Variants in SMARCA2 observed in about 807,000 individuals in gnomAD.
SMARCA2 encodes the protein SWI/SNF related BAF chromatin remodeling complex subunit ATPase 2, also known as SWI/SNF-related matrix-associated actin-dependent regulator of chromatin subfamily A member 2.
In SMARCA2, 61 loss-of-function variants were observed where a neutral mutation model predicts 199.8. The ratio of observed to expected loss-of-function variants is 0.31; its 90% CI spans 0.25 to 0.38. SMARCA2 has a LOEUF of 0.38. SMARCA2 is among the 10% of genes least tolerant of loss of function. The pLI is 1.00. For synonymous variants in SMARCA2, 935 were observed against 732.0 expected (o/e 1.28, Z -4.48); for missense variants, 1,344 against 2,012.2 (o/e 0.67, Z 6.35).
intron 5 of SMARCA2, among the ~76,000 whole-genome samples, chr9:2,052,505 G>A (rs750946282): frequency 5.9e-5 from 9 of 152,112 alleles, no homozygotes; most frequent in Non-Finnish European, 7.4e-5. Flanking sequence ...AATAACGACA[G>A]CACGGTAGCA....
At chr9:2,108,142 T>C (rs1455215040) in intron 23 of SMARCA2, among the ~76,000 whole-genome samples, 1 of 152,142 alleles carries the variant, frequency 6.6e-6, no homozygotes, top group African/African-American at 2.4e-5. Context: ...CTCTCCAACA[T>C]CAAAAGGCCA....
At chr9:2,146,045 G>A (rs539967201) in intron 27 of SMARCA2, among the ~76,000 whole-genome samples, 59 of 152,318 alleles carry the variant, frequency 3.9e-4, no homozygotes, top group African/African-American at 1.3e-3. Flanking sequence ...GCATAGCTGG[G>A]TGTCTTAGTC....
At chr9:2,058,805 A>C (rs1402717408) in intron 8 of SMARCA2, among the ~76,000 whole-genome samples, 1 of 152,218 alleles carries the variant, frequency 6.6e-6, no homozygotes, top group African/African-American at 2.4e-5. Flanking sequence ...TCTTTTAAAA[A>C]TATGGCCTCT....
chr9:2,084,247 A>T, intron 17 of SMARCA2, 51 bp downstream of exon 17: 1 of 931,488 alleles, frequency 1.1e-6, no homozygotes, highest in Non-Finnish European at 1.7e-6. Context: ...TTGCACTGGA[A>T]TGTGAAGTAT....
At chr9:2,189,107 T>G (rs1481275899) in intron 32 of SMARCA2, among the ~76,000 whole-genome samples, 1 of 152,212 alleles carries the variant, frequency 6.6e-6, no homozygotes, top group African/African-American at 2.4e-5. Context: ...GGTCAGACAA[T>G]TAACAGTCTA....
chr9:2,017,024 G>A lies in SMARCA2; in HGVS notation c.-37+1620G>A, dbSNP rs1330810279. 6.6e-6 allele frequency: 1 copy of A among 152,162 alleles called. No individual in the cohort carries two copies. Among genetic ancestry groups the A allele is most frequent in the Non-Finnish European group, 1.5e-5 (1 of 68,058 alleles). 9.4% of individuals were successfully genotyped at this position (152,162 alleles called of 1,614,324 possible). On this transcript the variant is annotated intron_variant, in intron 1 of 33. Transcript: ENST00000349721. The surrounding 1 kb of genome is among the most constrained non-coding windows in gnomAD (Gnocchi z 8.8). ...GCCTGGGTGCAGTTACACGGCGGAG[G>A]GCGGGGCGCGGCAGTGCGGGCTCCG...
At chr9:2,142,243 A>C (rs1329004269) in intron 27 of SMARCA2, among the ~76,000 whole-genome samples, 1 of 152,152 alleles carries the variant, frequency 6.6e-6, no homozygotes, top group Non-Finnish European at 1.5e-5. Context: ...AATGACATCA[A>C]ATTTAAAGTT....
At chr9:2,069,922 C>G (rs1821018307) in intron 9 of SMARCA2, among the ~76,000 whole-genome samples, 1 of 152,190 alleles carries the variant, frequency 6.6e-6, no homozygotes, top group Non-Finnish European at 1.5e-5. Flanking sequence ...AGTTTTTCAG[C>G]TCTTGCCCCA....
At chr9:2,163,408 G>T (rs1423731154) in intron 28 of SMARCA2, among the ~76,000 whole-genome samples, 7 of 152,190 alleles carry the variant, frequency 4.6e-5, no homozygotes, top group Non-Finnish European at 1.0e-4. Flanking sequence ...AGGAAATTTT[G>T]ACCGCAAGTC....
At chr9:2,113,562 G>A (rs3793498) in intron 24 of SMARCA2, among the ~76,000 whole-genome samples, 48,846 of 151,970 alleles carry the variant, frequency 0.32, 10,393 homozygotes, top group African/African-American at 0.61. Flanking sequence ...TTTGGCTTAG[G>A]GACTCAAGCT....
chr9:2,117,659 G>A (rs1468240682), intron 25 of SMARCA2, among the ~76,000 whole-genome samples: 1 of 152,286 alleles, frequency 6.6e-6, no homozygotes, highest in East Asian at 1.9e-4. Context: ...TGAGAATCAA[G>A]GAAGCCTGGA....
At chr9:2,182,357 T>TAAC (rs1189012322) in intron 31 of SMARCA2, 115 bp downstream of exon 31, 2 of 665,470 alleles carry the variant, frequency 3.0e-6, no homozygotes, top group Non-Finnish European at 5.2e-6. Context: ...AGAAGAAAAA[T>TAAC]AACTAAAAGC....
chr9:2,116,666 T>C (rs1016472199), intron 25 of SMARCA2, among the ~76,000 whole-genome samples: 3 of 152,262 alleles, frequency 2.0e-5, no homozygotes, highest in African/African-American at 7.2e-5. Flanking sequence ...ATTAGGTTTT[T>C]ATTAGGGGAA....
At chr9:2,144,376 C>G (rs1184120021) in intron 27 of SMARCA2, among the ~76,000 whole-genome samples, 1 of 152,112 alleles carries the variant, frequency 6.6e-6, no homozygotes, top group Non-Finnish European at 1.5e-5. Flanking sequence ...GTGTCCTTCG[C>G]TGGATGGGGG....
Position 2,058,300 on chromosome 9 carries a change from A to G in SMARCA2, c.1357A>G (p.Asn453Asp). The G allele has an allele frequency of 1.2e-6, 2 of 1,613,796 alleles. No homozygotes were observed. The highest frequency in any genetic ancestry group is 1.1e-5 in the South Asian group (1 of 91,078). The change falls in exon 8 of 34, where the codon AAC becomes GAC. Residue 453 changes from asparagine (N) to aspartate (D), a missense_variant. Physicochemically the swap from Asn to Asp is conservative, Grantham distance 23. Around this residue, in one of 18 missense-constraint regions of SMARCA2, gnomAD observed 155 missense variants for 260.0 expected, o/e 0.60. Coordinates refer to ENST00000349721, the MANE Select transcript of SMARCA2 (RefSeq NM_003070.5). The part of the protein sequence containing the change: ...KRRQKHQEYL[N>D]SILQHAKDFK... ...TTTTTGGATCTTCTAGGAATACCTG[A>G]ACAGTATTTTGCAACATGCAAAAGA...
At chr9:2,069,738 G>C (rs901267811) in intron 9 of SMARCA2, among the ~76,000 whole-genome samples, 6 of 152,038 alleles carry the variant, frequency 3.9e-5, no homozygotes, top group Admixed American at 6.5e-5. Context: ...CCATGGAGTG[G>C]GTCATAGCTT....
chr9:2,108,404 C>A (rs576577945), intron 23 of SMARCA2, among the ~76,000 whole-genome samples: 1 of 152,338 alleles, frequency 6.6e-6, no homozygotes, highest in Non-Finnish European at 1.5e-5. Flanking sequence ...AAACCAGAAG[C>A]ATGCAGGGCA....
At position 2,181,577 on chromosome 9, in the gene SMARCA2, G is replaced by T; in HGVS notation, c.4260G>T (p.Gly1420=). 6.4e-7 allele frequency: 1 copy of T among 1,570,484 alleles called. No homozygotes were observed. Among genetic ancestry groups the T allele is most frequent in the Non-Finnish European group, 8.8e-7 (1 of 1,140,276 alleles). The stretch of plus-strand genomic sequence containing the variant: ...TGTTTCACCCATCCTACAGTTCAGG[G>T]CGACAGCTCAGTGAAGTCTTCATTC... ...SQLEIEGNSS[G]RQLSEVFIQL... Residue 1420 remains glycine, a synonymous_variant, in exon 30 of 34, where the codon GGG becomes GGT. Transcript: ENST00000349721.
intron 33 of SMARCA2, 59 bp from the exon 34 acceptor site, chr9:2,192,645 T>C (rs1586827435): frequency 8.5e-7 from 1 of 1,182,952 alleles, no homozygotes; most frequent in Non-Finnish European, 1.3e-6. Context: ...TTTGTTGTTA[T>C]ATCTTCTTTT....
Sources: allele counts gnomAD v4.1 joint callset (sites outside exome capture counted in the v4.1 genomes callset), GRCh38; gene constraint gnomAD v4.1.1; regional missense constraint gnomAD v4.1.1; non-coding constraint Gnocchi (gnomAD v3.1); transcripts MANE v1.5; gene names NCBI Gene and HGNC (gene_info 2026-07-23, HGNC 2026-07-21).